CRACD: variants seen among roughly 807,000 people sequenced by gnomAD.
CRACD encodes the protein capping protein inhibiting regulator of actin dynamics, also known as capping protein-inhibiting regulator of actin dynamics.
A neutral mutation model predicts 106.8 loss-of-function variants in CRACD; 56 were observed. That is an observed-to-expected ratio of 0.52 (90% CI 0.42 to 0.66). The LOEUF is 0.66. CRACD is among the 30% of genes least tolerant of loss of function. CRACD has a pLI of 0.00. For synonymous variants in CRACD, 754 were observed against 670.8 expected (o/e 1.12, Z -1.92); for missense variants, 1,730 against 1,623.2 (o/e 1.07, Z -1.13).
chr4:56,082,700 A>G (rs919529675), intron 1 of CRACD, among the ~76,000 whole-genome samples: 1 of 152,142 alleles, frequency 6.6e-6, no homozygotes, highest in Non-Finnish European at 1.5e-5. Context: ...ATTTAGAGAA[A>G]AGGAGCCAAG....
chr4:56,240,710 G>T lies in CRACD; in HGVS notation c.-188-31611G>T, dbSNP rs575096759. Among the ~76,000 whole-genome samples, 5 of 152,174 alleles carry T rather than the reference G, an allele frequency of 3.3e-5. No individual in the cohort carries two copies. The South Asian group carries it at 1.0e-3, about 32-fold the overall frequency. Reference sequence around the variant, plus strand: ...AACAGGATCTTGCTGTATTGCCCAGGCTGGTCTCAAACTCTACTTCAAGCA... The same window carrying T: ...AACAGGATCTTGCTGTATTGCCCAGTCTGGTCTCAAACTCTACTTCAAGCA... On this transcript the variant is annotated intron_variant, in intron 2 of 10. Coordinates refer to ENST00000682029, the MANE Select transcript of CRACD (RefSeq NM_001393381.1).
intron 1 of CRACD, among the ~76,000 whole-genome samples, chr4:56,050,782 C>T (rs910119844): frequency 6.6e-6 from 1 of 152,182 alleles, no homozygotes; most frequent in African/African-American, 2.4e-5. Flanking sequence ...TACTGGATCG[C>T]CCTTTCCACT....
Position 56,315,412 on chromosome 4 carries a change from A to G in CRACD, c.1910A>G (p.Asn637Ser). The G allele has an allele frequency of 9.9e-6, 16 of 1,612,510 alleles. No individual in the cohort carries two copies. The highest frequency in any genetic ancestry group is 1.4e-5 in the Non-Finnish European group (16 of 1,179,616). ...KKHAEAPAGENPPRGPGDARA... is the reference protein window; with the variant it reads ...KKHAEAPAGESPPRGPGDARA... The stretch of plus-strand genomic sequence containing the variant: ...CACGCGGAAGCCCCAGCTGGGGAGA[A>G]CCCTCCCCGAGGCCCCGGCGACGCG... Residue 637 changes from asparagine (N) to serine (S), a missense_variant, in exon 8 of 11, where the codon AAC becomes AGC. By Grantham distance (46) the Asn-to-Ser change is conservative. Coordinates refer to ENST00000682029, the MANE Select transcript of CRACD (RefSeq NM_001393381.1). The surrounding 1 kb of genome is among the most constrained non-coding windows in gnomAD (Gnocchi z 4.1).
intron 4 of CRACD, among the ~76,000 whole-genome samples, chr4:56,306,791 A>G (rs1386466287): frequency 1.3e-5 from 2 of 152,116 alleles, no homozygotes; most frequent in South Asian, 2.1e-4. Context: ...ACCACTCACC[A>G]GTAGTCAGTC....
intron 1 of CRACD, among the ~76,000 whole-genome samples, chr4:56,082,515 G>C (rs1337750575): frequency 6.6e-6 from 1 of 152,180 alleles, no homozygotes; most frequent in Non-Finnish European, 1.5e-5. Context: ...TTTATGAGGG[G>C]GATGGTAGGG....
At chr4:56,306,467 T>G (rs1269820454) in intron 4 of CRACD, among the ~76,000 whole-genome samples, 1 of 151,916 alleles carries the variant, frequency 6.6e-6, no homozygotes, top group Admixed American at 6.6e-5. Flanking sequence ...GAGCCAAAAT[T>G]GGGCCACTGC....
chr4:56,057,818 T>TG lies in CRACD; in HGVS notation c.-336+8519_-336+8520insG, dbSNP rs1560438240. 1.8e-3 allele frequency among the ~76,000 whole-genome samples: 144 copies of TG among 79,888 alleles called. 8 individuals are homozygous for TG. Among genetic ancestry groups the TG allele is most frequent in the African/African-American group, 2.6e-3 (34 of 13,068 alleles). 52.4% of individuals were successfully genotyped at this position (79,888 alleles called of 152,430 possible). On this transcript the variant is annotated intron_variant, in intron 1 of 10. Coordinates refer to ENST00000682029, the MANE Select transcript of CRACD (RefSeq NM_001393381.1). Reference sequence around the variant, plus strand: ...TTTTGTATTTTTTTTTTTTTTGTTTTTTTTTTTTTTTTTTTTTTGAGACGG... The same window carrying TG: ...TTTTGTATTTTTTTTTTTTTTGTTTTGTTTTTTTTTTTTTTTTTTGAGACGG...
chr4:56,127,566 G>A (rs1181597410), intron 1 of CRACD, among the ~76,000 whole-genome samples: 1 of 152,152 alleles, frequency 6.6e-6, no homozygotes, highest in African/African-American at 2.4e-5. Flanking sequence ...TTCAAAGGTG[G>A]CTGATACTTT....
chr4:56,322,273 A>G (rs1264808764), intron 8 of CRACD, among the ~76,000 whole-genome samples: 1 of 152,210 alleles, frequency 6.6e-6, no homozygotes, highest in East Asian at 1.9e-4. Flanking sequence ...GCAACCCAAT[A>G]AGACATTATC....
At chr4:56,064,491 G>A (rs1395330514) in intron 1 of CRACD, among the ~76,000 whole-genome samples, 1 of 152,052 alleles carries the variant, frequency 6.6e-6, no homozygotes, top group Non-Finnish European at 1.5e-5. Context: ...CTCATTTTAG[G>A]GTTAGCCAAG....
chr4:56,325,150 C>T (rs924358012), intron 10 of CRACD, among the ~76,000 whole-genome samples: 2 of 152,028 alleles, frequency 1.3e-5, no homozygotes, highest in African/African-American at 2.4e-5. Context: ...GCCTGGGCAA[C>T]ATGGCGAAAC....
chr4:56,265,066 G>A (rs569780010), intron 2 of CRACD, among the ~76,000 whole-genome samples: 3 of 152,276 alleles, frequency 2.0e-5, no homozygotes, highest in Admixed American at 6.5e-5. Context: ...GGGGAGCACA[G>A]CCTATCTGAC....
intron 1 of CRACD, among the ~76,000 whole-genome samples, chr4:56,117,465 G>A (rs1734333754): frequency 6.6e-6 from 1 of 151,832 alleles, no homozygotes; most frequent in Non-Finnish European, 1.5e-5. Flanking sequence ...GAGACAGAAA[G>A]TCTGATTGCC....
In CRACD at chr4:56,313,274, C is replaced by T. The variant is rs377677914; in HGVS notation, c.432C>T (p.Ala144=). Residue 144 remains alanine (A), a synonymous_variant, in exon 7 of 11, where the codon GCC becomes GCT. Transcript: ENST00000682029. ...CCATCGAAAGTGTCAACTTAGATGC[C>T]ATCCCCCTGGCCATCGCTCGCCTGG... ...AGTIESVNLD[A]IPLAIARLDN... 5 of 1,614,080 alleles carry T rather than the reference C, an allele frequency of 3.1e-6. No individual in the cohort carries two copies. Among genetic ancestry groups the T allele is most frequent in the Non-Finnish European group, 4.2e-6 (5 of 1,180,036 alleles).
intron 3 of CRACD, among the ~76,000 whole-genome samples, chr4:56,277,026 G>A (rs1203535911): frequency 6.6e-6 from 1 of 152,214 alleles, no homozygotes; most frequent in Non-Finnish European, 1.5e-5. Context: ...TGATGGGCAG[G>A]ACATGGAGTA....
intron 1 of CRACD, among the ~76,000 whole-genome samples, chr4:56,087,126 C>T (rs1733256252): frequency 6.6e-6 from 1 of 152,132 alleles, no homozygotes; most frequent in Non-Finnish European, 1.5e-5. Flanking sequence ...ACTCTCCCTG[C>T]CTCAGCCTCT....
At chr4:56,165,626 G>T (rs1736113829) in intron 1 of CRACD, among the ~76,000 whole-genome samples, 1 of 152,098 alleles carries the variant, frequency 6.6e-6, no homozygotes, top group Non-Finnish European at 1.5e-5. Context: ...AGTACTTCAT[G>T]CATTAGGGAA....
At chr4:56,190,429 C>T (rs1737318575) in intron 2 of CRACD, among the ~76,000 whole-genome samples, 1 of 152,098 alleles carries the variant, frequency 6.6e-6, no homozygotes, top group Non-Finnish European at 1.5e-5. Flanking sequence ...AGTTTACAGT[C>T]CCATCAACAG....
chr4:56,294,866 A>T (rs1743902693), intron 3 of CRACD, among the ~76,000 whole-genome samples: 1 of 149,574 alleles, frequency 6.7e-6, no homozygotes, highest in South Asian at 2.1e-4. Context: ...CTAAGCCGAG[A>T]TCATGCCACT....
Sources: allele counts gnomAD v4.1 joint callset (sites outside exome capture counted in the v4.1 genomes callset), GRCh38; gene constraint gnomAD v4.1.1; non-coding constraint Gnocchi (gnomAD v3.1); transcripts MANE v1.5; gene names NCBI Gene and HGNC (gene_info 2026-07-23, HGNC 2026-07-21).